NOMO1: variants seen among roughly 807,000 people sequenced by gnomAD.
NOMO1 encodes the protein NODAL modulator 1.
A neutral mutation model predicts 133.8 loss-of-function variants in NOMO1; 40 were observed. That is an observed-to-expected ratio of 0.30 (90% CI 0.23 to 0.39). The LOEUF (loss-of-function observed/expected upper bound fraction) is 0.39, where lower values mean the gene tolerates loss of function less well. Ranked by LOEUF, NOMO1 falls within the 10% of genes least tolerant of loss-of-function variation. The probability of loss-of-function intolerance (pLI) is 1.00; values close to 1 mark genes in which losing one functional copy is unlikely to be tolerated. For synonymous variants in NOMO1, 236 were observed against 570.5 expected (o/e 0.41, Z 8.36); for missense variants, 462 against 1,419.9 (o/e 0.33, Z 10.84).
At chr16:14,860,615 A>G (rs1963910233) in intron 11 of NOMO1, among the ~76,000 whole-genome samples, 1 of 151,774 alleles carries the variant, frequency 6.6e-6, no homozygotes, top group Non-Finnish European at 1.5e-5. Flanking sequence ...TGGAGAACAC[A>G]CCCACAGGCC....
At chr16:14,846,800 C>T in intron 5 of NOMO1, 117 bp downstream of exon 5, 1 of 1,597,534 alleles carries the variant, frequency 6.3e-7, no homozygotes, top group Admixed American at 1.7e-5. Flanking sequence ...GATTCAGCCT[C>T]TTTGGGTGAG....
intron 22 of NOMO1, among the ~76,000 whole-genome samples, chr16:14,877,636 AG>A (rs201189651): frequency 0.18 from 26,465 of 148,474 alleles, 1 homozygote; most frequent in Non-Finnish European, 0.2. Context: ...CAAGTAACGC[AG>A]GTGACTAATA....
intron 29 of NOMO1, among the ~76,000 whole-genome samples, chr16:14,889,437 T>C (rs1964375601): frequency 6.6e-6 from 1 of 151,844 alleles, no homozygotes; most frequent in Admixed American, 6.6e-5. Flanking sequence ...GAGGCTGAGG[T>C]GGGAGGATCA....
At chr16:14,849,896 C>CTTT (rs1171906105) in intron 6 of NOMO1, among the ~76,000 whole-genome samples, 38 of 87,924 alleles carry the variant, frequency 4.3e-4, no homozygotes, top group African/African-American at 6.5e-4. Context: ...CAGATACAGT[C>CTTT]TTTTTTTTTT....
At chr16:14,855,493 G>C (rs532948366) in intron 9 of NOMO1, among the ~76,000 whole-genome samples, 1 of 151,810 alleles carries the variant, frequency 6.6e-6, no homozygotes, top group Non-Finnish European at 1.5e-5. Flanking sequence ...TGAAAGTACT[G>C]TGTTAAAATC....
intron 11 of NOMO1, among the ~76,000 whole-genome samples, chr16:14,859,567 C>G (rs1286086840): frequency 6.6e-6 from 1 of 151,964 alleles, no homozygotes; most frequent in Non-Finnish European, 1.5e-5. Flanking sequence ...TCCATCCCAG[C>G]ACTTTGGGAG....
chr16:14,842,494 T>C, intron 3 of NOMO1, among the ~76,000 whole-genome samples: 1 of 149,760 alleles, frequency 6.7e-6, no homozygotes, highest in Non-Finnish European at 1.5e-5. Context: ...CCTGGAGGAG[T>C]GTTGTGTTTG....
chr16:14,889,238 A>G, intron 29 of NOMO1, 23 bp downstream of exon 29: 1 of 1,611,736 alleles, frequency 6.2e-7, no homozygotes, highest in South Asian at 1.1e-5. Context: ...GGGAGTTAAA[A>G]AAAAACCCAT....
At chr16:14,889,363 C>T in intron 29 of NOMO1, 148 bp downstream of exon 29, 26 of 1,450,230 alleles carry the variant, frequency 1.8e-5, no homozygotes, top group Non-Finnish European at 2.2e-5. Flanking sequence ...AAAACCCCAA[C>T]TCTACAAAAA....
intron 20 of NOMO1, among the ~76,000 whole-genome samples, chr16:14,876,004 G>A (rs385870): frequency 0.075 from 8,676 of 116,310 alleles, no homozygotes; most frequent in Non-Finnish European, 0.091. Context: ...TGTTTGGGGC[G>A]GTCTTTCTCA....
intron 6 of NOMO1, among the ~76,000 whole-genome samples, chr16:14,851,363 T>C (rs2606839): frequency 2.8e-4 from 43 of 151,852 alleles, no homozygotes; most frequent in East Asian, 5.8e-4. Flanking sequence ...CCCTGTGCTG[T>C]GTGCTTAGAA....
intron 3 of NOMO1, among the ~76,000 whole-genome samples, chr16:14,841,678 C>T (rs1414397338): frequency 1.3e-5 from 2 of 150,784 alleles, no homozygotes; most frequent in Non-Finnish European, 2.9e-5. Context: ...TCACTCATTA[C>T]GTGGCCGTGG....
chr16:14,867,149 GATATATATATATAT>G (rs1171568936), intron 15 of NOMO1, among the ~76,000 whole-genome samples: 35 of 17,266 alleles, frequency 2.0e-3, no homozygotes, highest in African/African-American at 3.1e-3. Context: ...GAGTTTCTCT[GATATATATATATAT>G]ATATATATAT....
At chr16:14,838,371 A>G in intron 1 of NOMO1, 36 bp from the exon 2 acceptor site, 1 of 1,572,446 alleles carries the variant, frequency 6.4e-7, no homozygotes, top group Non-Finnish European at 8.7e-7. Flanking sequence ...CCCAAAGGCA[A>G]TGTTATGATT....
chr16:14,849,690 C>T (rs1427680765), intron 6 of NOMO1, among the ~76,000 whole-genome samples: 10 of 143,988 alleles, frequency 6.9e-5, no homozygotes, highest in African/African-American at 2.1e-4. Context: ...TGTGTCCAAG[C>T]GAGTCTCCGG....
Position 14,838,930 on chromosome 16 carries a change from C to G in NOMO1, c.255+434C>G, listed in dbSNP as rs373433606. Among the ~76,000 whole-genome samples, 7 of 151,548 alleles carry G rather than the reference C, an allele frequency of 4.6e-5. No individual in the cohort carries two copies. In the South Asian group the frequency reaches 1.5e-3, roughly 32 times the overall value. ...TACAAGTAATACATGAATTCATGAA[C>G]TTTGTGAAAAAGAAAGTCAAGGTCT... is the stretch of plus-strand genomic sequence containing the variant. On this transcript the variant is annotated intron_variant, in intron 2 of 30. Coordinates refer to ENST00000287667, the MANE Select transcript of NOMO1 (RefSeq NM_014287.4).
In NOMO1 at chr16:14,895,772, AC is replaced by A; in HGVS notation, c.*131del. 2.5e-6 allele frequency: 4 copies of A among 1,601,988 alleles called. No homozygotes were observed. Among genetic ancestry groups the A allele is most frequent in the Non-Finnish European group, 3.4e-6 (4 of 1,175,746 alleles). ...CTTCAGCCTGTGCTGCTGGGCCCGC[AC>A]CCCATGTCCCTTGTCACTGTGGCAT... On this transcript the variant is annotated 3_prime_UTR_variant, in exon 31 of 31. Transcript: ENST00000287667.
intron 9 of NOMO1, among the ~76,000 whole-genome samples, chr16:14,856,439 T>G (rs1261188118): frequency 6.6e-6 from 1 of 151,460 alleles, no homozygotes; most frequent in Non-Finnish European, 1.5e-5. Flanking sequence ...TTTTTTTCTT[T>G]GAGACAGAGT....
In NOMO1 at chr16:14,856,163, G is replaced by A. The variant is rs1241928980; in HGVS notation, c.964-1054G>A. Among the ~76,000 whole-genome samples, 2 of 151,956 alleles carry A rather than the reference G, an allele frequency of 1.3e-5. 1 individual carries two copies. Among genetic ancestry groups the A allele is most frequent in the Non-Finnish European group, 2.9e-5 (2 of 68,002 alleles). On this transcript the variant is annotated intron_variant, in intron 9 of 30. Coordinates refer to ENST00000287667, the MANE Select transcript of NOMO1 (RefSeq NM_014287.4). ...CAGAAAAAATCCCTGTCTCCATGAG[G>A]TAACATGCTAGTGGGAGGGAGACAA...
Sources: allele counts gnomAD v4.1 joint callset (sites outside exome capture counted in the v4.1 genomes callset), GRCh38; gene constraint gnomAD v4.1.1; transcripts MANE v1.5; gene names NCBI Gene and HGNC (gene_info 2026-07-23, HGNC 2026-07-21).